The following SCFD1 variants were observed in gnomAD, a reference collection of about 807,000 sequenced individuals.
SCFD1 encodes sec1 family domain containing 1.
SCFD1 carries 37 observed loss-of-function variants against 103.2 expected under a neutral mutation model. That is an observed-to-expected ratio of 0.36 (90% CI 0.28 to 0.47). SCFD1 has a LOEUF of 0.47. SCFD1 is among the 20% of genes least tolerant of loss of function. The pLI is 1.00. For missense variants in SCFD1, 639 were observed against 761.2 expected, an observed-to-expected ratio of 0.84 and a Z score of 1.89; for synonymous variants, 264 against 245.0, an observed-to-expected ratio of 1.08 and a Z score of -0.73.
In SCFD1 at chr14:30,729,223, T is replaced by C. The variant is rs1477531879; in HGVS notation, c.1837-5567T>C. Among the ~76,000 whole-genome samples the C allele has an allele frequency of 3.0e-4, 46 of 152,192 alleles. 2 individuals are homozygous for C. Among genetic ancestry groups the C allele is most frequent in the Admixed American group, 3.0e-3 (46 of 15,290 alleles). ...TCTTTTCTCTTTTTGTGATGGTGTCTTTTAAAGTGCAAAAGTTTATTTCGG... is the reference window on the plus strand; with the variant it reads ...TCTTTTCTCTTTTTGTGATGGTGTCCTTTAAAGTGCAAAAGTTTATTTCGG... On this transcript the variant is annotated intron_variant, in intron 23 of 24. Transcript: ENST00000458591.
Position 30,684,803 on chromosome 14 carries a change from CTTT to C in SCFD1, c.1242+9755_1242+9757del, listed in dbSNP as rs780577178. Reference sequence around the variant, plus strand: ...ACAATGCTGTATGTTGCAATTGTTTCTTTTTTTTTTTTTTTTTTTATTATACTC... The same window carrying C: ...ACAATGCTGTATGTTGCAATTGTTTCTTTTTTTTTTTTTTTTATTATACTC... On this transcript the variant is annotated intron_variant, in intron 14 of 24. Coordinates refer to ENST00000458591, the MANE Select transcript of SCFD1 (RefSeq NM_016106.4). Among the ~76,000 whole-genome samples, 24 of 54,870 alleles carry C rather than the reference CTTT, an allele frequency of 4.4e-4. No individual in the cohort carries two copies. The South Asian group carries it at 5.8e-3, about 13-fold the overall frequency. 36.0% of individuals were successfully genotyped at this position (54,870 alleles called of 152,430 possible). A position where few individuals can be genotyped will look rare whatever the true frequency, so the allele number is the denominator to read the frequency against.
intron 19 of SCFD1, among the ~76,000 whole-genome samples, chr14:30,712,945 T>C (rs1241967305): frequency 6.6e-6 from 1 of 152,218 alleles, no homozygotes; most frequent in Non-Finnish European, 1.5e-5. Flanking sequence ...ACTTTTTATG[T>C]TTCTAAAGAC....
Position 30,696,398 on chromosome 14 carries a change from C to CA in SCFD1, c.1339+1537dup, listed in dbSNP as rs199844004. Among the ~76,000 whole-genome samples, 43 of 151,808 alleles carry CA rather than the reference C, an allele frequency of 2.8e-4. No homozygotes were observed. The East Asian group carries it at 6.4e-3, about 23-fold the overall frequency. On this transcript the variant is annotated intron_variant, in intron 15 of 24. Coordinates refer to ENST00000458591, the MANE Select transcript of SCFD1 (RefSeq NM_016106.4). Reference sequence around the variant, plus strand: ...CAGTAACTTTCGAGTAAAGTTGAAACAAAAAAAACATGTTGACAGAAAGGC... The same window carrying CA: ...CAGTAACTTTCGAGTAAAGTTGAAACAAAAAAAAACATGTTGACAGAAAGGC...
intron 23 of SCFD1, among the ~76,000 whole-genome samples, chr14:30,724,072 T>TA (rs59654790): frequency 0.23 from 21,202 of 90,826 alleles, 2,932 homozygotes; most frequent in East Asian, 0.38. Context: ...ACCAGTATCT[T>TA]AAAAAAAAAA....
rs1279699725 is a variant in SCFD1, at chr14:30,731,030, G to A, written c.1837-3760G>A. On this transcript the variant is annotated intron_variant, in intron 23 of 24. Coordinates refer to ENST00000458591, the MANE Select transcript of SCFD1 (RefSeq NM_016106.4). ...TCCATCTTGAATTAATTTTTGTATA[G>A]GGTGTAAGGAAGGGATCCAGTTTCA... 1.1e-4 allele frequency among the ~76,000 whole-genome samples: 16 copies of A among 151,994 alleles called. No homozygotes were observed. In the East Asian group the frequency reaches 2.9e-3, roughly 28 times the overall value.
intron 6 of SCFD1, among the ~76,000 whole-genome samples, chr14:30,642,914 A>G (rs1009365173): frequency 2.0e-5 from 3 of 152,134 alleles, no homozygotes; most frequent in Non-Finnish European, 4.4e-5. Flanking sequence ...GCTCATGCCT[A>G]TAATTCCAGC....
chr14:30,698,901 G>A (rs1890881772), intron 15 of SCFD1, among the ~76,000 whole-genome samples: 1 of 152,164 alleles, frequency 6.6e-6, no homozygotes, highest in Admixed American at 6.5e-5. Flanking sequence ...GACTGAGAGG[G>A]GAAGAGCTAG....
chr14:30,678,373 G>A (rs1889212898), intron 14 of SCFD1, among the ~76,000 whole-genome samples: 1 of 152,150 alleles, frequency 6.6e-6, no homozygotes, highest in Non-Finnish European at 1.5e-5. Flanking sequence ...ATAACTTTAA[G>A]AAACATTTTC....
At chr14:30,683,065 C>A in intron 14 of SCFD1, 1 of 1,377,162 alleles carries the variant, frequency 7.3e-7, no homozygotes, top group South Asian at 1.2e-5. Context: ...TGACTGGTGA[C>A]CTGTTTTGAG....
intron 7 of SCFD1, 148 bp downstream of exon 7, chr14:30,643,553 A>G: frequency 3.3e-6 from 2 of 609,336 alleles, no homozygotes; most frequent in South Asian, 4.3e-5. Context: ...AATAGTATAT[A>G]AAAACAATTC....
intron 3 of SCFD1, among the ~76,000 whole-genome samples, 155 bp from the exon 4 acceptor site, chr14:30,633,792 G>A (rs1003669222): frequency 6.6e-6 from 1 of 152,166 alleles, no homozygotes; most frequent in Non-Finnish European, 1.5e-5. Context: ...TAACAACACT[G>A]ACATGGGAGA....
At chr14:30,734,604 C>A (rs74912229) in intron 23 of SCFD1, 186 bp from the exon 24 acceptor site, 1 of 556,314 alleles carries the variant, frequency 1.8e-6, no homozygotes, top group Non-Finnish European at 3.2e-6. Flanking sequence ...ATACTATGCT[C>A]ATTTCACCAC....
Position 30,735,614 on chromosome 14 carries a change from G to T in SCFD1, c.*5G>T. On this transcript the variant is annotated 3_prime_UTR_variant, in exon 25 of 25. Coordinates refer to ENST00000458591, the MANE Select transcript of SCFD1 (RefSeq NM_016106.4). ...TCACAACTTGGACAAAAGTAACACA[G>T]AAGAACCTTACTATGATAATCTACT... The T allele has an allele frequency of 6.3e-7, 1 of 1,589,066 alleles. No individual in the cohort carries two copies. Among genetic ancestry groups the T allele is most frequent in the Non-Finnish European group, 8.6e-7 (1 of 1,163,114 alleles).
At chr14:30,642,122 C>T (rs1274093745) in intron 6 of SCFD1, among the ~76,000 whole-genome samples, 1 of 152,172 alleles carries the variant, frequency 6.6e-6, no homozygotes, top group East Asian at 1.9e-4. Flanking sequence ...GAGTCTCTCT[C>T]TGTCGCCCAG....
At chr14:30,712,025 A>T (rs1168565246) in intron 19 of SCFD1, among the ~76,000 whole-genome samples, 1 of 146,086 alleles carries the variant, frequency 6.8e-6, no homozygotes, top group Non-Finnish European at 1.5e-5. Flanking sequence ...CATCTGTAAG[A>T]TAAGGGTATT....
At chr14:30,728,409 T>G (rs976966282) in intron 23 of SCFD1, among the ~76,000 whole-genome samples, 1 of 152,224 alleles carries the variant, frequency 6.6e-6, no homozygotes, top group Non-Finnish European at 1.5e-5. Context: ...GAGGTCTAAA[T>G]TGAAATTGTT....
At chr14:30,622,545 G>A (rs900961407) in intron 1 of SCFD1, 146 bp downstream of exon 1, 95 of 1,378,078 alleles carry the variant, frequency 6.9e-5, no homozygotes, top group Non-Finnish European at 8.7e-5. Context: ...GAGTTTTTGG[G>A]GAGAAGTTGC....
intron 10 of SCFD1, among the ~76,000 whole-genome samples, chr14:30,660,449 T>C (rs943592073): frequency 6.6e-6 from 1 of 152,132 alleles, no homozygotes; most frequent in Non-Finnish European, 1.5e-5. Context: ...TGATCAGTAG[T>C]TTCAGGTATT....
In SCFD1 at chr14:30,705,886, GT is replaced by G. The variant is rs1205504739; in HGVS notation, c.1553+2del. 1 of 1,610,174 alleles carries G rather than the reference GT, an allele frequency of 6.2e-7. No individual in the cohort carries two copies. Among genetic ancestry groups the G allele is most frequent in the Non-Finnish European group, 8.5e-7 (1 of 1,176,916 alleles). ...GCAGCACTACCACTAAACCAATGGG[GT>G]AAGTATTTTTAATAATTCTTTTGCA... is the stretch of plus-strand genomic sequence containing the variant. On this transcript the variant is annotated splice_donor_variant, in intron 18 of 24. Transcript: ENST00000458591. LOFTEE classifies it high-confidence loss of function.
Sources: allele counts gnomAD v4.1 joint callset (sites outside exome capture counted in the v4.1 genomes callset), GRCh38; gene constraint gnomAD v4.1.1; transcripts MANE v1.5; gene names NCBI Gene and HGNC (gene_info 2026-07-23, HGNC 2026-07-21).